ZZZ3: variants seen among roughly 807,000 people sequenced by gnomAD.
ZZZ3 encodes the protein zinc finger ZZ-type containing 3.
In ZZZ3, 22 loss-of-function variants were observed where a neutral mutation model predicts 95.2. The observed-to-expected ratio is 0.23, with a 90% CI of 0.17 to 0.33. The LOEUF (loss-of-function observed/expected upper bound fraction) is 0.33, where lower values mean the gene tolerates loss of function less well. Ranked by LOEUF, ZZZ3 falls within the 10% of genes least tolerant of loss-of-function variation. ZZZ3 has a pLI of 1.00. For missense variants in ZZZ3, 885 were observed against 1,066.5 expected, an observed-to-expected ratio of 0.83 and a Z score of 2.37; for synonymous variants, 335 against 358.9, an observed-to-expected ratio of 0.93 and a Z score of 0.75.
In ZZZ3 at chr1:77,564,585, T is replaced by C. The variant is rs543643446; in HGVS notation, c.*1055A>G. 3.3e-4 allele frequency: 51 copies of C among 152,740 alleles called. No individual in the cohort carries two copies. Among genetic ancestry groups the C allele is most frequent in the African/African-American group, 1.2e-3 (51 of 41,586 alleles). The allele number at this position is 152,740 out of a possible 1,614,324, so 9.5% of individuals were successfully genotyped here. A position where few individuals can be genotyped will look rare whatever the true frequency, so the allele number is the denominator to read the frequency against. ...GAACATCATTCAAGAACATACTGTATACACAGATAAGAAGAAACATACAAA... is the reference window on the plus strand; with the variant it reads ...GAACATCATTCAAGAACATACTGTACACACAGATAAGAAGAAACATACAAA... On this transcript the variant is annotated 3_prime_UTR_variant, in exon 15 of 15. Coordinates refer to ENST00000370801, the MANE Select transcript of ZZZ3 (RefSeq NM_015534.6).
intron 1 of ZZZ3, among the ~76,000 whole-genome samples, chr1:77,667,958 G>C (rs1292110949): frequency 1.3e-5 from 2 of 151,580 alleles, no homozygotes; most frequent in East Asian, 1.9e-4. Flanking sequence ...AGAGACACAG[G>C]GTTTCGCCAT....
At chr1:77,571,030 T>A (rs1661335882) in intron 12 of ZZZ3, among the ~76,000 whole-genome samples, 2 of 152,034 alleles carry the variant, frequency 1.3e-5, no homozygotes, top group Admixed American at 1.3e-4. Context: ...TACCATACTA[T>A]GTCACCACTG....
In ZZZ3 at chr1:77,563,736, C is replaced by T. The variant is rs1203211932; in HGVS notation, c.*1904G>A. 6.6e-6 allele frequency: 1 copy of T among 152,132 alleles called. No homozygotes were observed. Among genetic ancestry groups the T allele is most frequent in the Non-Finnish European group, 1.5e-5 (1 of 68,012 alleles). The allele number at this position is 152,132 out of a possible 1,614,324, so 9.4% of individuals were successfully genotyped here. ...CAGATCTTCTGGCATATTCACAAAA[C>T]ATTTAATATAAAAACGCCCAGAATG... On this transcript the variant is annotated 3_prime_UTR_variant, in exon 15 of 15. Coordinates refer to ENST00000370801, the MANE Select transcript of ZZZ3 (RefSeq NM_015534.6).
intron 5 of ZZZ3, among the ~76,000 whole-genome samples, chr1:77,625,410 A>C (rs369989512): frequency 6.1e-4 from 93 of 152,342 alleles, no homozygotes; most frequent in Non-Finnish European, 1.0e-3. Context: ...TAATTCTGAC[A>C]AGTGTTATTC....
intron 6 of ZZZ3, among the ~76,000 whole-genome samples, chr1:77,583,858 G>A (rs1662790037): frequency 6.6e-6 from 1 of 151,904 alleles, no homozygotes; most frequent in Non-Finnish European, 1.5e-5. Context: ...TGCACATCAA[G>A]ATCATCTCCA....
At chr1:77,619,624 C>T (rs1379567365) in intron 5 of ZZZ3, among the ~76,000 whole-genome samples, 2 of 152,118 alleles carry the variant, frequency 1.3e-5, no homozygotes, top group African/African-American at 2.4e-5. Context: ...TTTTATAACA[C>T]AATGACTTCT....
chr1:77,622,076 C>T (rs1006348676), intron 5 of ZZZ3, among the ~76,000 whole-genome samples: 1 of 146,516 alleles, frequency 6.8e-6, no homozygotes, highest in East Asian at 2.0e-4. Flanking sequence ...TTTGGGAGGC[C>T]GAGGAAAGAG....
intron 5 of ZZZ3, among the ~76,000 whole-genome samples, chr1:77,599,358 T>C (rs933762458): frequency 1.3e-5 from 2 of 152,046 alleles, no homozygotes; most frequent in Admixed American, 6.6e-5. Flanking sequence ...TTATTGAATA[T>C]ACATTAGTTA....
intron 12 of ZZZ3, 68 bp from the exon 13 acceptor site, chr1:77,568,534 T>C (rs1570385453): frequency 1.3e-6 from 1 of 783,584 alleles, no homozygotes; most frequent in East Asian, 3.2e-5. Context: ...TAAGTAATAC[T>C]GATACAGAAT....
At chr1:77,676,477 T>A (rs564452496) in intron 1 of ZZZ3, among the ~76,000 whole-genome samples, 1 of 152,242 alleles carries the variant, frequency 6.6e-6, no homozygotes, top group East Asian at 1.9e-4. Context: ...ATAGTACTTT[T>A]AAGTAGTTTC....
At chr1:77,603,168 T>A (rs1283257806) in intron 5 of ZZZ3, among the ~76,000 whole-genome samples, 1 of 152,002 alleles carries the variant, frequency 6.6e-6, no homozygotes. Flanking sequence ...AGCCTTGATC[T>A]CCTGGGCTGA....
At chr1:77,649,626 T>TA (rs1453344361) in intron 1 of ZZZ3, among the ~76,000 whole-genome samples, 1 of 152,202 alleles carries the variant, frequency 6.6e-6, no homozygotes, top group African/African-American at 2.4e-5. Flanking sequence ...CTCATGCCTG[T>TA]AATCCCAACA....
intron 5 of ZZZ3, among the ~76,000 whole-genome samples, chr1:77,619,647 G>C (rs1023854910): frequency 7.9e-5 from 12 of 151,920 alleles, no homozygotes; most frequent in Non-Finnish European, 1.8e-4. Flanking sequence ...TTGGGAGTCT[G>C]GTATTATTAA....
chr1:77,592,804 C>G (rs540129695), intron 5 of ZZZ3, among the ~76,000 whole-genome samples: 4 of 152,230 alleles, frequency 2.6e-5, no homozygotes, highest in Admixed American at 2.6e-4. Flanking sequence ...TTCTGGAAAA[C>G]AGACGAGGCA....
intron 1 of ZZZ3, among the ~76,000 whole-genome samples, chr1:77,677,597 T>C (rs1011178445): frequency 2.0e-5 from 3 of 152,184 alleles, no homozygotes; most frequent in African/African-American, 7.2e-5. Flanking sequence ...GCCTTCAAAA[T>C]GTACCTAAAA....
At chr1:77,636,426 C>G (rs1476369718) in intron 4 of ZZZ3, among the ~76,000 whole-genome samples, 1 of 151,770 alleles carries the variant, frequency 6.6e-6, no homozygotes, top group Non-Finnish European at 1.5e-5. Context: ...AAAATATCAC[C>G]TATAAGCTGG....
At chr1:77,608,058 A>T (rs1055255144) in intron 5 of ZZZ3, among the ~76,000 whole-genome samples, 14 of 152,214 alleles carry the variant, frequency 9.2e-5, no homozygotes, top group Non-Finnish European at 1.8e-4. Context: ...ATTAGCCTTA[A>T]AGAGGAGGCA....
Position 77,633,312 on chromosome 1 carries a change from C to T in ZZZ3, c.43G>A (p.Gly15Arg). Residue 15 changes from glycine to arginine, a missense_variant, in exon 5 of 15, where the codon GGG becomes AGG. Coordinates refer to ENST00000370801, the MANE Select transcript of ZZZ3 (RefSeq NM_015534.6). The part of the protein sequence containing the change: ...RSTRVTRSTV[G>R]LNGLDESFCG... ...AAAGATTCATCCAAGCCGTTTAACCCCACTGTTGATCTTGTAACACGAGTA... is the reference window on the plus strand; with the variant it reads ...AAAGATTCATCCAAGCCGTTTAACCTCACTGTTGATCTTGTAACACGAGTA... 1 of 1,613,258 alleles carries T rather than the reference C, an allele frequency of 6.2e-7. No individual in the cohort carries two copies. Among genetic ancestry groups the T allele is most frequent in the African/African-American group, 1.3e-5 (1 of 75,006 alleles).
At chr1:77,645,235 T>G (rs1010786768) in intron 1 of ZZZ3, 2 of 152,072 alleles carry the variant, frequency 1.3e-5, no homozygotes, top group African/African-American at 4.8e-5. Flanking sequence ...CTCTAAAAAA[T>G]TAACTAATTA....
Sources: allele counts gnomAD v4.1 joint callset (sites outside exome capture counted in the v4.1 genomes callset), GRCh38; gene constraint gnomAD v4.1.1; transcripts MANE v1.5; gene names NCBI Gene and HGNC (gene_info 2026-07-23, HGNC 2026-07-21).